Variants in GALNT9 observed in about 807,000 individuals in gnomAD.
The protein encoded by GALNT9 is GalNAc transferase 9.
Under a neutral mutation model 63.1 loss-of-function variants are expected in GALNT9, and 47 were observed. The ratio of observed to expected loss-of-function variants is 0.75; its 90% CI spans 0.59 to 0.95. GALNT9 has a LOEUF of 0.95. GALNT9 is among the 40% of genes least tolerant of loss of function. The pLI is 0.00. For synonymous variants in GALNT9, 396 were observed against 365.7 expected (o/e 1.08, Z -0.94); for missense variants, 829 against 874.8 (o/e 0.95, Z 0.66).
chr12:132,213,725 G>A (rs1877067112), intron 6 of GALNT9, among the ~76,000 whole-genome samples: 1 of 152,242 alleles, frequency 6.6e-6, no homozygotes, highest in African/African-American at 2.4e-5. Flanking sequence ...GGGTGTTCAG[G>A]GGACATGAGG....
rs749578760 is a variant in GALNT9, at chr12:132,265,013, G to A, written c.420-2388C>T. 2.0e-5 allele frequency among the ~76,000 whole-genome samples: 3 copies of A among 152,202 alleles called. No homozygotes were observed. The highest frequency in any genetic ancestry group is 4.4e-5 in the Non-Finnish European group (3 of 68,032). ...AGATCCTGCCAGGTCGTTTCCACAC[G>A]CGCGGAGTTGAAGCGTTTTTATTTA... On this transcript the variant is annotated intron_variant, in intron 2 of 10. Transcript: ENST00000328957. The surrounding 1 kb of genome is among the most constrained non-coding windows in gnomAD (Gnocchi z 5.3).
At chr12:132,307,705 G>T (rs1881665442) in intron 1 of GALNT9, among the ~76,000 whole-genome samples, 1 of 151,378 alleles carries the variant, frequency 6.6e-6, no homozygotes, top group African/African-American at 2.4e-5. Context: ...GTGGTGGCGG[G>T]CGCCTGTAGT....
chr12:132,240,337 C>A (rs1317443683), intron 6 of GALNT9, among the ~76,000 whole-genome samples: 1 of 152,166 alleles, frequency 6.6e-6, no homozygotes, highest in Admixed American at 6.5e-5. Context: ...CCGGCAGACT[C>A]CAGGGCTGCA....
At chr12:132,267,771 T>TCA (rs1303848324) in intron 2 of GALNT9, among the ~76,000 whole-genome samples, 1 of 124,158 alleles carries the variant, frequency 8.1e-6, no homozygotes, top group East Asian at 2.3e-4. Context: ...ACACATGCAC[T>TCA]CACACACACG....
intron 6 of GALNT9, among the ~76,000 whole-genome samples, chr12:132,210,947 C>G (rs1876934151): frequency 6.6e-6 from 1 of 152,038 alleles, no homozygotes; most frequent in Non-Finnish European, 1.5e-5. Context: ...CAACAGCTTT[C>G]TGAATCCTGG....
intron 5 of GALNT9, among the ~76,000 whole-genome samples, chr12:132,250,321 G>A (rs1313477511): frequency 6.6e-6 from 1 of 152,224 alleles, no homozygotes; most frequent in African/African-American, 2.4e-5. Flanking sequence ...TGGGTGTGGG[G>A]TCCCCACGGG....
At chr12:132,213,730 A>G (rs977334524) in intron 6 of GALNT9, among the ~76,000 whole-genome samples, 2 of 152,234 alleles carry the variant, frequency 1.3e-5, no homozygotes, top group Non-Finnish European at 2.9e-5. Context: ...TTCAGGGGAC[A>G]TGAGGCCCAC....
At chr12:132,250,286 G>A (rs559273827) in intron 5 of GALNT9, among the ~76,000 whole-genome samples, 41 of 152,194 alleles carry the variant, frequency 2.7e-4, no homozygotes, top group South Asian at 1.4e-3. Flanking sequence ...GGGCTGGGGC[G>A]GGGGGAACGG....
rs768525336 is a variant in GALNT9 at position 132,197,233 on chromosome 12, C to A, written c.1686G>T (p.Arg562=). Residue 562 remains arginine, a synonymous_variant, in exon 11 of 11, where the codon CGG becomes CGT. Transcript: ENST00000328957. ...CCACCTCCAGGCAGCGGCCCGTGGCCCGGCTCACAATGGGGCCACTCTGTG... is the reference window on the plus strand; with the variant it reads ...CCACCTCCAGGCAGCGGCCCGTGGCACGGCTCACAATGGGGCCACTCTGTG... The part of the protein sequence containing the change: ...DFTQSGPIVS[R]ATGRCLEVEM... 9.3e-6 allele frequency: 15 copies of A among 1,612,610 alleles called. No homozygotes were observed. Among genetic ancestry groups the A allele is most frequent in the Non-Finnish European group, 1.2e-5 (14 of 1,179,892 alleles).
At chr12:132,217,910 TCCAC>T (rs1480273045) in intron 6 of GALNT9, among the ~76,000 whole-genome samples, 3 of 148,348 alleles carry the variant, frequency 2.0e-5, no homozygotes, top group South Asian at 2.2e-4. Flanking sequence ...CATCCATTCA[TCCAC>T]CCACCCACCC....
intron 5 of GALNT9, 32 bp from the exon 6 acceptor site, chr12:132,248,059 C>G (rs781902633): frequency 1.3e-6 from 2 of 1,533,292 alleles, no homozygotes; most frequent in African/African-American, 2.7e-5. Context: ...GTGAGGACCT[C>G]GCCATGCAGG....
intron 5 of GALNT9, among the ~76,000 whole-genome samples, chr12:132,250,880 A>C (rs1233036370): frequency 1.3e-5 from 2 of 152,226 alleles, no homozygotes; most frequent in Non-Finnish European, 2.9e-5. Context: ...GTCGGGACCC[A>C]CATCCCCGGA....
rs1880597804 is a variant in GALNT9, at chr12:132,286,485, A to G, written c.239-55T>C. 1 of 1,486,720 alleles carries G rather than the reference A, an allele frequency of 6.7e-7. No individual in the cohort carries two copies. Among genetic ancestry groups the G allele is most frequent in the Non-Finnish European group, 8.9e-7 (1 of 1,118,268 alleles). The allele number at this position is 1,486,720 out of a possible 1,614,324, so 92.1% of individuals were successfully genotyped here. A position where few individuals can be genotyped will look rare whatever the true frequency, so the allele number is the denominator to read the frequency against. ...CAGGCCCAGGACACGCTGCGTCTGC[A>G]CCCAGGAGACGCCCCTCCCGCCCCT... On this transcript the variant is annotated intron_variant, in intron 1 of 10. Coordinates refer to ENST00000328957, the MANE Select transcript of GALNT9 (RefSeq NM_001122636.2). The surrounding 1 kb of genome is among the most constrained non-coding windows in gnomAD (Gnocchi z 7.4).
intron 6 of GALNT9, among the ~76,000 whole-genome samples, chr12:132,219,327 C>T (rs1204770735): frequency 1.3e-5 from 2 of 152,208 alleles, no homozygotes; most frequent in Admixed American, 6.5e-5. Context: ...TTCAGACACA[C>T]AGAAACGATA....
Position 132,282,427 on chromosome 12 carries a change from G to GTGCGTGTGTGTGCGTGTC in GALNT9, c.419+3822_419+3823insGACACGCACACACACGCA, listed in dbSNP as rs1566011882. 6.6e-6 allele frequency among the ~76,000 whole-genome samples: 1 copy of GTGCGTGTGTGTGCGTGTC among 152,086 alleles called. No homozygotes were observed. Among genetic ancestry groups the GTGCGTGTGTGTGCGTGTC allele is most frequent in the African/African-American group, 2.4e-5 (1 of 41,386 alleles). On this transcript the variant is annotated intron_variant, in intron 2 of 10. Coordinates refer to ENST00000328957, the MANE Select transcript of GALNT9 (RefSeq NM_001122636.2). This position sits in a 1 kb window ranked among gnomAD's most constrained non-coding sequence, Gnocchi z 4.5. The stretch of plus-strand genomic sequence containing the variant: ...CGCGTGTGTGCGTGTGTGTGCGTGT[G>GTGCGTGTGTGTGCGTGTC]TGCGTGCATGCGTGTGTGTGCGTGT...
chr12:132,199,776 C>T (rs1387726510), intron 8 of GALNT9, among the ~76,000 whole-genome samples: 1 of 152,210 alleles, frequency 6.6e-6, no homozygotes, highest in African/African-American at 2.4e-5. Flanking sequence ...CTCCAGCCTC[C>T]AGAACAGGCC....
rs782300125 is a variant in GALNT9, at chr12:132,246,283, G to A, written c.1077+1627C>T. On this transcript the variant is annotated intron_variant, in intron 6 of 10. Coordinates refer to ENST00000328957, the MANE Select transcript of GALNT9 (RefSeq NM_001122636.2). The surrounding 1 kb of genome is among the most constrained non-coding windows in gnomAD (Gnocchi z 4.7). ...GATTCTAGATGTGCAGTTTAAAATCGGACAGGATGAGAGGATTAAAGGCAC... is the reference window on the plus strand; with the variant it reads ...GATTCTAGATGTGCAGTTTAAAATCAGACAGGATGAGAGGATTAAAGGCAC... Among the ~76,000 whole-genome samples, 10 of 152,164 alleles carry A rather than the reference G, an allele frequency of 6.6e-5. No homozygotes were observed. The highest frequency in any genetic ancestry group is 1.3e-4 in the Admixed American group (2 of 15,272).
chr12:132,269,387 G>A (rs1257049445), intron 2 of GALNT9, among the ~76,000 whole-genome samples: 1 of 152,240 alleles, frequency 6.6e-6, no homozygotes, highest in East Asian at 1.9e-4. Flanking sequence ...GGACCGCCAG[G>A]CGGAGCAGAG....
intron 1 of GALNT9, among the ~76,000 whole-genome samples, chr12:132,326,370 A>T (rs949878491): frequency 7.9e-5 from 12 of 152,260 alleles, no homozygotes; most frequent in Admixed American, 6.5e-4. Context: ...CTTGATGTAC[A>T]CATAGGAGTG....
Sources: gnomAD v4.1 joint callset for allele counts (sites outside exome capture counted in the v4.1 genomes callset) on GRCh38, gnomAD v4.1.1 for gene constraint, Gnocchi (gnomAD v3.1) non-coding constraint, MANE v1.5 for transcripts, NCBI Gene and HGNC (gene_info 2026-07-23, HGNC 2026-07-21) for gene names.